Variants in ESRRG observed in about 807,000 individuals in gnomAD.
ESRRG encodes the protein estrogen-related receptor gamma.
In ESRRG, 13 loss-of-function variants were observed where a neutral mutation model predicts 44.0. That is an observed-to-expected ratio of 0.30 (90% CI 0.19 to 0.47). The LOEUF is 0.47. ESRRG is among the 20% of genes least tolerant of loss of function. The probability of loss-of-function intolerance (pLI) is 1.00; values close to 1 mark genes in which losing one functional copy is unlikely to be tolerated. For synonymous variants in ESRRG, 215 were observed against 214.6 expected (o/e 1.00, Z -0.02); for missense variants, 395 against 580.6 (o/e 0.68, Z 3.29).
At chr1:216,798,973 G>A (rs1212161732) in intron 2 of ESRRG, among the ~76,000 whole-genome samples, 1 of 152,096 alleles carries the variant, frequency 6.6e-6, no homozygotes, top group Non-Finnish European at 1.5e-5. Context: ...AAATCAGCTG[G>A]AGAATCAATC....
rs181494656 is a variant in ESRRG, at chr1:216,782,427, A to G, written c.-13-104936T>C. 1.1e-4 allele frequency among the ~76,000 whole-genome samples: 17 copies of G among 152,200 alleles called. No individual in the cohort carries two copies. In the East Asian group the frequency reaches 3.3e-3, roughly 29 times the overall value. On this transcript the variant is annotated intron_variant, in intron 2 of 7. Coordinates refer to the ESRRG transcript ENST00000359162. ...CCATATTGGTTATCAAAATGCAGGC[A>G]AACATTTTCTGCTGTTACACAGAGA... is the stretch of plus-strand genomic sequence containing the variant.
At chr1:216,560,663 AT>A (rs2149495937) in intron 5 of ESRRG, among the ~76,000 whole-genome samples, 1 of 152,302 alleles carries the variant, frequency 6.6e-6, no homozygotes, top group South Asian at 2.1e-4. Context: ...CCTAGCTCTA[AT>A]ATTTGACAGA....
intron 5 of ESRRG, among the ~76,000 whole-genome samples, chr1:216,555,419 C>T (rs17042824): frequency 0.014 from 2,170 of 151,952 alleles, 56 homozygotes; most frequent in African/African-American, 0.049. Context: ...CCAGTTTTCA[C>T]GAACTAATTT....
intron 2 of ESRRG, among the ~76,000 whole-genome samples, chr1:216,774,457 C>G (rs1281809082): frequency 6.6e-6 from 1 of 152,042 alleles, no homozygotes; most frequent in Non-Finnish European, 1.5e-5. Context: ...CTCCTCTGTA[C>G]ATCAGTCATG....
At chr1:216,888,259 T>A (rs1234880554) in intron 2 of ESRRG, among the ~76,000 whole-genome samples, 3 of 152,200 alleles carry the variant, frequency 2.0e-5, no homozygotes, top group African/African-American at 7.2e-5. Context: ...GCAGAATTTT[T>A]AAAATCCAAT....
intron 2 of ESRRG, among the ~76,000 whole-genome samples, chr1:216,822,444 G>C (rs1239248397): frequency 2.6e-5 from 4 of 152,096 alleles, no homozygotes; most frequent in African/African-American, 9.7e-5. Context: ...ACAAATAATG[G>C]CATCAAGGTT....
chr1:216,507,944 G>A (rs1022709120), intron 6 of ESRRG, among the ~76,000 whole-genome samples: 2 of 152,176 alleles, frequency 1.3e-5, no homozygotes, highest in African/African-American at 2.4e-5. Context: ...TGAGAAATGT[G>A]AGATGTGGGG....
At chr1:216,851,529 C>A (rs114247585) in intron 2 of ESRRG, among the ~76,000 whole-genome samples, 2,920 of 152,050 alleles carry the variant, frequency 0.019, 111 homozygotes, top group African/African-American at 0.068. Flanking sequence ...GGCCAGAGAG[C>A]GCTCTTGCCC....
intron 3 of ESRRG, among the ~76,000 whole-genome samples, chr1:216,617,271 A>G (rs375203005): frequency 7.9e-5 from 12 of 152,244 alleles, no homozygotes; most frequent in African/African-American, 2.6e-4. Flanking sequence ...CCATTAAAAG[A>G]ATCGTGGCTG....
intron 5 of ESRRG, among the ~76,000 whole-genome samples, chr1:216,520,906 C>G (rs2045892603): frequency 6.6e-6 from 1 of 152,092 alleles, no homozygotes. Context: ...GTGGGTATCC[C>G]ATATGATATT....
At chr1:216,789,948 C>A (rs535444552) in intron 2 of ESRRG, among the ~76,000 whole-genome samples, 2 of 152,250 alleles carry the variant, frequency 1.3e-5, no homozygotes, top group African/African-American at 4.8e-5. Context: ...GCCAGGTGGG[C>A]AATGTGACTA....
intron 1 of ESRRG, among the ~76,000 whole-genome samples, chr1:217,100,594 T>C (rs796671441): frequency 5.9e-5 from 9 of 152,060 alleles, no homozygotes; most frequent in African/African-American, 2.2e-4. Context: ...AGAAAAGAGG[T>C]TTAATTTTGG....
intron 1 of ESRRG, among the ~76,000 whole-genome samples, chr1:217,087,148 A>G (rs554254461): frequency 1.7e-4 from 26 of 152,292 alleles, no homozygotes; most frequent in African/African-American, 4.6e-4. Context: ...ACATAAGCCC[A>G]TTACCTCTGG....
intron 1 of ESRRG, among the ~76,000 whole-genome samples, chr1:216,981,488 C>T (rs1003356275): frequency 2.6e-5 from 4 of 152,118 alleles, no homozygotes; most frequent in Non-Finnish European, 5.9e-5. Context: ...TGAAGCAATT[C>T]GTGTAAATAA....
intron 6 of ESRRG, among the ~76,000 whole-genome samples, chr1:216,518,182 T>G (rs2044970658): frequency 6.6e-6 from 1 of 152,112 alleles, no homozygotes; most frequent in Admixed American, 6.5e-5. Context: ...AGCCTGAGAT[T>G]GATCGTCACA....
chr1:216,654,484 C>A (rs917835437), intron 2 of ESRRG, among the ~76,000 whole-genome samples: 1 of 151,890 alleles, frequency 6.6e-6, no homozygotes, highest in Non-Finnish European at 1.5e-5. Context: ...ACAAAATTAG[C>A]CAGGTGTGGT....
chr1:217,102,036 C>A (rs990076357), intron 1 of ESRRG, among the ~76,000 whole-genome samples: 1 of 152,150 alleles, frequency 6.6e-6, no homozygotes, highest in Non-Finnish European at 1.5e-5. Context: ...GAATTCCCGA[C>A]CTCAGGTGAT....
At chr1:217,010,712 G>C (rs1425685511) in intron 1 of ESRRG, among the ~76,000 whole-genome samples, 1 of 152,154 alleles carries the variant, frequency 6.6e-6, no homozygotes, top group East Asian at 1.9e-4. Context: ...CCCGTGAAAA[G>C]AAGCTATAGA....
At chr1:217,003,401 T>G (rs2077300548) in intron 1 of ESRRG, among the ~76,000 whole-genome samples, 1 of 151,964 alleles carries the variant, frequency 6.6e-6, no homozygotes, top group Admixed American at 6.6e-5. Context: ...AAAAATAATT[T>G]TATTCAATAA....
Sources: allele counts gnomAD v4.1 joint callset (sites outside exome capture counted in the v4.1 genomes callset), GRCh38; gene constraint gnomAD v4.1.1; transcripts MANE v1.5; gene names NCBI Gene and HGNC (gene_info 2026-07-23, HGNC 2026-07-21).